Variants in CRLF3 observed in about 807,000 individuals in gnomAD.
CRLF3 encodes cytokine receptor like factor 3.
CRLF3 carries 33 observed loss-of-function variants against 55.0 expected under a neutral mutation model. That is an observed-to-expected ratio of 0.60 (90% CI 0.46 to 0.80). The LOEUF (loss-of-function observed/expected upper bound fraction) is 0.80. Ranked by LOEUF, CRLF3 falls within the 30% of genes least tolerant of loss-of-function variation. The probability of loss-of-function intolerance (pLI) is 0.00; values close to 1 mark genes in which losing one functional copy is unlikely to be tolerated. For synonymous variants in CRLF3, 238 were observed against 196.8 expected, an observed-to-expected ratio of 1.21 and a Z score of -1.75; for missense variants, 494 against 538.4, an observed-to-expected ratio of 0.92 and a Z score of 0.82.
At position 30,784,144 on chromosome 17, in the gene CRLF3, A is replaced by T. The variant is rs369576764; in HGVS notation, c.*43T>A. 321 of 1,574,418 alleles carry T rather than the reference A, an allele frequency of 2.0e-4. 3 individuals are homozygous for T. The South Asian group carries it at 3.5e-3, about 17-fold the overall frequency. ...ATTACAACTACGCTGGGCTGAGGACAGCTACGTTAGACCCTGAAAACCAAA... is the reference window on the plus strand; with the variant it reads ...ATTACAACTACGCTGGGCTGAGGACTGCTACGTTAGACCCTGAAAACCAAA... On this transcript the variant is annotated 3_prime_UTR_variant, in exon 8 of 8. Coordinates refer to ENST00000324238, the MANE Select transcript of CRLF3 (RefSeq NM_015986.4).
chr17:30,784,108 T>G lies in CRLF3; in HGVS notation c.*79A>C. The G allele has an allele frequency of 5.3e-6, 7 of 1,325,408 alleles. No individual in the cohort carries two copies. The highest frequency in any genetic ancestry group is 7.2e-6 in the Non-Finnish European group (7 of 966,544). 82.1% of individuals were successfully genotyped at this position (1,325,408 alleles called of 1,614,324 possible). On this transcript the variant is annotated 3_prime_UTR_variant, in exon 8 of 8. Transcript: ENST00000324238. Reference sequence around the variant, plus strand: ...TAAGTTAGAGATGAATTCAACTTTTTTTTTAAAGCAATTACAACTACGCTG... The same window carrying G: ...TAAGTTAGAGATGAATTCAACTTTTGTTTTAAAGCAATTACAACTACGCTG...
chr17:30,790,266 T>TA (rs1430934003), intron 6 of CRLF3, among the ~76,000 whole-genome samples: 10 of 152,058 alleles, frequency 6.6e-5, no homozygotes, highest in African/African-American at 1.9e-4. Context: ...ACTTAAAACT[T>TA]AGAGGAGAGC....
Position 30,793,629 on chromosome 17 carries a change from C to T in CRLF3, c.647G>A (p.Arg216His). 2 of 1,613,978 alleles carry T rather than the reference C, an allele frequency of 1.2e-6. No individual in the cohort carries two copies. The highest frequency in any genetic ancestry group is 1.1e-5 in the South Asian group (1 of 91,078). The change falls in exon 5 of 8, where the codon CGT becomes CAT. Residue 216 changes from arginine (R) to histidine (H), a missense_variant. Arg to His is a conservative substitution (Grantham distance 29). Transcript: ENST00000324238. ...CTCAAAATGATTTGAAGTACATTTA[C>T]GAAACTGGAGCCTGTAATCTTGGGC... ...FTAQDYRLQFRKCTSNHFEDV... is the reference protein window; with the variant it reads ...FTAQDYRLQFHKCTSNHFEDV...
At chr17:30,822,475 A>C (rs1905026960) in intron 1 of CRLF3, among the ~76,000 whole-genome samples, 1 of 152,208 alleles carries the variant, frequency 6.6e-6, no homozygotes, top group Non-Finnish European at 1.5e-5. Flanking sequence ...CAGTCTAGTC[A>C]GAAGGCAATG....
In CRLF3 at chr17:30,784,399, C is replaced by T. The variant is rs111711307; in HGVS notation, c.1117G>A (p.Ala373Thr). The T allele has an allele frequency of 1.1e-5, 18 of 1,613,238 alleles. No individual in the cohort carries two copies. The highest frequency in any genetic ancestry group is 6.7e-5 in the Admixed American group (4 of 59,990). The change falls in exon 8 of 8, where the codon GCA becomes ACA. Residue 373 changes from alanine (A) to threonine (T), a missense_variant. Physicochemically the swap from Ala to Thr is moderately conservative, Grantham distance 58 (BLOSUM62 0). Coordinates refer to ENST00000324238, the MANE Select transcript of CRLF3 (RefSeq NM_015986.4). ...GTGACAGTGGACCCAGAAGTAACTGCGGGTAACTGATTTGTCATTTCTTTT... is the reference window on the plus strand; with the variant it reads ...GTGACAGTGGACCCAGAAGTAACTGTGGGTAACTGATTTGTCATTTCTTTT... ...NGKEMTNQLP[A>T]VTSGSTVTFD...
chr17:30,810,622 A>G (rs183328136), intron 1 of CRLF3, among the ~76,000 whole-genome samples: 34 of 152,260 alleles, frequency 2.2e-4, no homozygotes, highest in African/African-American at 7.0e-4. Flanking sequence ...CTACAGCTGA[A>G]TATAACCCCA....
chr17:30,797,222 C>T (rs906829103), intron 3 of CRLF3, 89 bp downstream of exon 3: 1 of 922,140 alleles, frequency 1.1e-6, no homozygotes, highest in African/African-American at 1.6e-5. Flanking sequence ...TCTCTATCTC[C>T]CTTAATGAGA....
rs530310546 is a variant in CRLF3 at position 30,794,881 on chromosome 17, G to A, written c.604-1209C>T. Among the ~76,000 whole-genome samples the A allele has an allele frequency of 6.6e-5, 10 of 152,222 alleles. No homozygotes were observed. The South Asian group carries it at 1.4e-3, about 22-fold the overall frequency. On this transcript the variant is annotated intron_variant, in intron 4 of 7. Coordinates refer to ENST00000324238, the MANE Select transcript of CRLF3 (RefSeq NM_015986.4). The stretch of plus-strand genomic sequence containing the variant: ...AATGCCAATTATTGGTCAAGATATG[G>A]AATAACAGAAACTCATATACTCCTT...
At chr17:30,794,113 C>T (rs749581538) in intron 4 of CRLF3, among the ~76,000 whole-genome samples, 8 of 152,116 alleles carry the variant, frequency 5.3e-5, no homozygotes, top group African/African-American at 1.9e-4. Context: ...GGACTATAGG[C>T]GTGAGACACT....
chr17:30,784,032 CTT>C lies in CRLF3; in HGVS notation c.*153_*154del, dbSNP rs1291765817. 5 of 663,416 alleles carry C rather than the reference CTT, an allele frequency of 7.5e-6. No homozygotes were observed. Among genetic ancestry groups the C allele is most frequent in the African/African-American group, 1.8e-5 (1 of 54,952 alleles). The allele number at this position is 663,416 out of a possible 1,614,324, so 41.1% of individuals were successfully genotyped here. A position where few individuals can be genotyped will look rare whatever the true frequency, so the allele number is the denominator to read the frequency against. The stretch of plus-strand genomic sequence containing the variant: ...GATTTTGTCCACAACATTGAAGTCT[CTT>C]TTTGCTAAAATATTACAAAATGAAT... On this transcript the variant is annotated 3_prime_UTR_variant, in exon 8 of 8. Transcript: ENST00000324238.
intron 6 of CRLF3, among the ~76,000 whole-genome samples, chr17:30,791,326 C>T (rs757306082): frequency 6.6e-6 from 1 of 152,028 alleles, no homozygotes; most frequent in Non-Finnish European, 1.5e-5. Context: ...CCACCTCAGC[C>T]TCCCGAAGTG....
At chr17:30,824,416 A>C (rs1597937628) in intron 1 of CRLF3, 107 bp downstream of exon 1, 1 of 1,153,814 alleles carries the variant, frequency 8.7e-7, no homozygotes, top group Non-Finnish European at 1.2e-6. Flanking sequence ...CCTCTTCCCT[A>C]CTCCAGAGTT....
At chr17:30,802,499 C>T (rs532817535) in intron 2 of CRLF3, among the ~76,000 whole-genome samples, 3 of 152,192 alleles carry the variant, frequency 2.0e-5, no homozygotes, top group East Asian at 1.9e-4. Flanking sequence ...GGTGCAATCA[C>T]GGCTCACTGC....
chr17:30,789,393 G>A lies in CRLF3; in HGVS notation c.959+3047C>T, dbSNP rs565070977. On this transcript the variant is annotated intron_variant, in intron 6 of 7. Coordinates refer to ENST00000324238, the MANE Select transcript of CRLF3 (RefSeq NM_015986.4). The stretch of plus-strand genomic sequence containing the variant: ...TGCAATCTATCAGACATTACCATGT[G>A]TCCAAGGAGGAAGAATTTAAAAAGC... Among the ~76,000 whole-genome samples the A allele has an allele frequency of 6.6e-5, 10 of 152,308 alleles. No individual in the cohort carries two copies. In the East Asian group the frequency reaches 1.9e-3, roughly 29 times the overall value.
At chr17:30,807,172 T>C (rs1436438125) in intron 1 of CRLF3, among the ~76,000 whole-genome samples, 1 of 152,176 alleles carries the variant, frequency 6.6e-6, no homozygotes, top group Non-Finnish European at 1.5e-5. Flanking sequence ...CATACTTTGC[T>C]TTCTAGATAT....
chr17:30,799,205 G>A (rs1390306239), intron 2 of CRLF3, among the ~76,000 whole-genome samples: 2 of 152,108 alleles, frequency 1.3e-5, no homozygotes, highest in Non-Finnish European at 2.9e-5. Context: ...CCTGCGAGGC[G>A]TAGGCTGCAG....
At chr17:30,803,743 C>A (rs1972042459) in intron 2 of CRLF3, 158 bp downstream of exon 2, 4 of 659,024 alleles carry the variant, frequency 6.1e-6, no homozygotes, top group South Asian at 1.8e-5. Context: ...GTGAGATGTG[C>A]CTTTCACCTG....
At chr17:30,821,754 T>C (rs9912440) in intron 1 of CRLF3, among the ~76,000 whole-genome samples, 19,291 of 151,996 alleles carry the variant, frequency 0.13, 1,281 homozygotes, top group South Asian at 0.25. Context: ...AGTAGTTTTG[T>C]GGTTGCCAGG....
chr17:30,801,759 C>T (rs1244747099), intron 2 of CRLF3, among the ~76,000 whole-genome samples: 2 of 151,988 alleles, frequency 1.3e-5, no homozygotes, highest in Non-Finnish European at 2.9e-5. Flanking sequence ...TCTCTTTTCC[C>T]TCTAGTCTTA....
Sources: allele counts gnomAD v4.1 joint callset (sites outside exome capture counted in the v4.1 genomes callset), GRCh38; gene constraint gnomAD v4.1.1; transcripts MANE v1.5; gene names NCBI Gene and HGNC (gene_info 2026-07-23, HGNC 2026-07-21).